PRKX: variants seen among roughly 807,000 people sequenced by gnomAD.
The protein encoded by PRKX is protein kinase cAMP-dependent X-linked catalytic subunit, also known as cAMP-dependent protein kinase catalytic subunit PRKX.
In PRKX, 12 loss-of-function variants were observed where a neutral mutation model predicts 22.0. The observed-to-expected ratio is 0.54, with a 90% CI of 0.35 to 0.88. The LOEUF is 0.88. Ranked by LOEUF, PRKX falls within the 40% of genes least tolerant of loss-of-function variation. The pLI, the probability that PRKX is intolerant of heterozygous loss-of-function variation, is 0.01. For missense variants in PRKX, 217 were observed against 308.0 expected (o/e 0.70, Z 2.21); for synonymous variants, 134 against 137.7 (o/e 0.97, Z 0.19).
chrX:3,697,067 C>T (rs760906208), intron 1 of PRKX, among the ~76,000 whole-genome samples: 9 of 108,398 alleles, frequency 8.3e-5, no homozygotes, highest in African/African-American at 2.7e-4. Flanking sequence ...AAAAAGCTAC[C>T]TACTCACCAG....
chrX:3,650,878 TTAAAAAAAAAA>T (rs1325899502), intron 3 of PRKX, among the ~76,000 whole-genome samples: 1 of 83,073 alleles, frequency 1.2e-5, no homozygotes, highest in Non-Finnish European at 2.4e-5. Context: ...GACCCTGTCT[TTAAAAAAAAAA>T]AAAAAAAAAA....
intron 1 of PRKX, among the ~76,000 whole-genome samples, chrX:3,700,686 C>T (rs745765948): frequency 9.0e-6 from 1 of 111,318 alleles, no homozygotes; most frequent in Non-Finnish European, 1.9e-5. Context: ...TCAAGTGATC[C>T]TCCCACCTCG....
intron 1 of PRKX, among the ~76,000 whole-genome samples, chrX:3,709,036 C>T (rs901789588): frequency 2.8e-5 from 3 of 108,049 alleles, no homozygotes; most frequent in African/African-American, 1.0e-4. Flanking sequence ...CTGAACAAGC[C>T]GGGCACGATG....
At chrX:3,652,381 A>G (rs1246473889) in intron 3 of PRKX, among the ~76,000 whole-genome samples, 3 of 105,197 alleles carry the variant, frequency 2.9e-5, no homozygotes, top group Non-Finnish European at 5.9e-5. Flanking sequence ...TCATGCCACT[A>G]TACTCCAGCC....
chrX:3,692,328 T>G (rs1280237616), intron 1 of PRKX, among the ~76,000 whole-genome samples: 1 of 109,951 alleles, frequency 9.1e-6, no homozygotes, highest in Admixed American at 9.8e-5. Flanking sequence ...CAACCACAAC[T>G]GTCCCCAGAC....
At chrX:3,699,776 A>G (rs1319512493) in intron 1 of PRKX, among the ~76,000 whole-genome samples, 1 of 112,833 alleles carries the variant, frequency 8.9e-6, no homozygotes, top group African/African-American at 3.2e-5. Flanking sequence ...CACAATTTCA[A>G]TTGAGAATGC....
At chrX:3,674,837 A>G (rs1927918178) in intron 1 of PRKX, 71 bp from the exon 2 acceptor site, 2 of 1,132,886 alleles carry the variant, frequency 1.8e-6, no homozygotes, top group Non-Finnish European at 2.4e-6. Flanking sequence ...CAGCCATGCA[A>G]TCAGCGGGGG....
chrX:3,657,532 C>T (rs1411772590), intron 2 of PRKX, among the ~76,000 whole-genome samples: 1 of 112,130 alleles, frequency 8.9e-6, no homozygotes, highest in Admixed American at 9.5e-5. Context: ...TAATCCACAC[C>T]GTCTATGCTA....
At chrX:3,643,030 A>AC (rs1927114263) in intron 3 of PRKX, among the ~76,000 whole-genome samples, 3 of 92,897 alleles carry the variant, frequency 3.2e-5, no homozygotes, top group South Asian at 5.4e-4. Flanking sequence ...AAAAAAAAAA[A>AC]GGTGCAAGAG....
At chrX:3,709,277 G>A (rs1373649426) in intron 1 of PRKX, among the ~76,000 whole-genome samples, 1 of 110,500 alleles carries the variant, frequency 9.0e-6, no homozygotes, top group Non-Finnish European at 1.9e-5. Flanking sequence ...TTGTCCCACG[G>A]ATATGAAGAC....
chrX:3,689,282 C>T (rs1928247981), intron 1 of PRKX, among the ~76,000 whole-genome samples: 2 of 112,688 alleles, frequency 1.8e-5, no homozygotes, highest in Admixed American at 1.9e-4. Flanking sequence ...GTGTGAAACA[C>T]GCAGTTCTTC....
chrX:3,610,637 C>T (rs1231697786), intron 8 of PRKX, among the ~76,000 whole-genome samples: 11 of 110,212 alleles, frequency 1.0e-4, no homozygotes, highest in African/African-American at 2.6e-4. Context: ...GAATCTTTTT[C>T]AGGGAAAGTA....
At chrX:3,661,321 T>C (rs1249667250) in intron 2 of PRKX, among the ~76,000 whole-genome samples, 1 of 111,815 alleles carries the variant, frequency 8.9e-6, no homozygotes, top group Non-Finnish European at 1.9e-5. Flanking sequence ...CAGTAAGACT[T>C]TGCAGGCGAG....
rs145155322 is a variant in PRKX, at chrX:3,680,214, G to A, written c.167-5448C>T. ...GCTGGAGTGCAATGGCGCAATCTCA[G>A]TTCACTGCAACCTCTGCCTCCTGGG... On this transcript the variant is annotated intron_variant, in intron 1 of 8. Transcript: ENST00000262848. Among the ~76,000 whole-genome samples, 459 of 110,619 alleles carry A rather than the reference G, an allele frequency of 4.1e-3. 4 individuals carry two copies. The highest frequency in any genetic ancestry group is 0.014 in the African/African-American group (433 of 30,343).
intron 1 of PRKX, 41 bp from the exon 2 acceptor site, chrX:3,674,807 G>A (rs1927917537): frequency 8.4e-7 from 1 of 1,196,631 alleles, no homozygotes; most frequent in African/African-American, 1.8e-5. Context: ...TAAGTCTTCC[G>A]ACAAAGGAAG....
chrX:3,664,305 T>C (rs1219215707), intron 2 of PRKX, among the ~76,000 whole-genome samples: 1 of 112,022 alleles, frequency 8.9e-6, no homozygotes, highest in Non-Finnish European at 1.9e-5. Flanking sequence ...GGCGCAACCA[T>C]AGATCACTGC....
chrX:3,636,488 C>A (rs1235728133), intron 4 of PRKX, among the ~76,000 whole-genome samples: 1 of 112,780 alleles, frequency 8.9e-6, no homozygotes, highest in Non-Finnish European at 1.9e-5. Context: ...AGGGCATGGC[C>A]CAGGAGAACA....
chrX:3,677,327 C>CT (rs532175668), intron 1 of PRKX, among the ~76,000 whole-genome samples: 1,649 of 90,617 alleles, frequency 0.018, 20 homozygotes, highest in Middle Eastern at 0.049. Context: ...ATTGTTTTGT[C>CT]TTTTTTTTTT....
chrX:3,609,612 G>A (rs988594205), intron 8 of PRKX, among the ~76,000 whole-genome samples: 1 of 108,710 alleles, frequency 9.2e-6, no homozygotes, highest in African/African-American at 3.3e-5. Flanking sequence ...GTATCACTAC[G>A]CCTGGCTAAC....
Sources: allele counts gnomAD v4.1 joint callset (sites outside exome capture counted in the v4.1 genomes callset), GRCh38; gene constraint gnomAD v4.1.1; transcripts MANE v1.5; gene names NCBI Gene and HGNC (gene_info 2026-07-23, HGNC 2026-07-21).